The following APOL6 variants were observed in gnomAD, a reference collection of about 807,000 sequenced individuals.
APOL6 encodes apolipoprotein L6.
APOL6 carries 1 observed loss-of-function variant against 2.4 expected under a neutral mutation model. The observed-to-expected ratio is 0.41, with a 90% CI of 0.15 to 1.94. The LOEUF (loss-of-function observed/expected upper bound fraction) is 1.94. Among genes scored for constraint, APOL6 ranks in the 30% most tolerant of loss-of-function variants. The probability of loss-of-function intolerance (pLI) is 0.30; values close to 1 mark genes in which losing one functional copy is unlikely to be tolerated. For missense variants in APOL6, 438 were observed against 429.2 expected, an observed-to-expected ratio of 1.02 and a Z score of -0.18; for synonymous variants, 189 against 169.3, an observed-to-expected ratio of 1.12 and a Z score of -0.90.
At position 35,665,088 on chromosome 22, in the gene APOL6, A is replaced by G. The variant is rs921184238; in HGVS notation, c.*5492A>G. On this transcript the variant is annotated 3_prime_UTR_variant, in exon 3 of 3. Coordinates refer to ENST00000409652, the MANE Select transcript of APOL6 (RefSeq NM_030641.4). ...GTCATGAACATTGGTGTAAGTCATGATAAGATTTTATATATATATATACAC... is the reference window on the plus strand; with the variant it reads ...GTCATGAACATTGGTGTAAGTCATGGTAAGATTTTATATATATATATACAC... 6.6e-6 allele frequency: 1 copy of G among 150,922 alleles called. No individual in the cohort carries two copies. The highest frequency in any genetic ancestry group is 2.5e-5 in the African/African-American group (1 of 40,726). 9.3% of individuals were successfully genotyped at this position (150,922 alleles called of 1,614,324 possible).
intron 1 of APOL6, among the ~76,000 whole-genome samples, chr22:35,654,583 C>CATAT (rs200901385): frequency 2.6e-5 from 4 of 151,688 alleles, no homozygotes; most frequent in African/African-American, 9.7e-5. Context: ...CACATACACA[C>CATAT]ACATATATAT....
Position 35,659,530 on chromosome 22 carries a change from G to A in APOL6, c.966G>A (p.Glu322=). 2 of 1,614,138 alleles carry A rather than the reference G, an allele frequency of 1.2e-6. No homozygotes were observed. Among genetic ancestry groups the A allele is most frequent in the Non-Finnish European group, 1.7e-6 (2 of 1,180,018 alleles). Residue 322 remains glutamate, a synonymous_variant, in exon 3 of 3, where the codon GAG becomes GAA. Coordinates refer to ENST00000409652, the MANE Select transcript of APOL6 (RefSeq NM_030641.4). ...AGGCTTACTGGAAGGAGTTAAGGGA[G>A]CATGTGTGGATGTGGCTGTGGCTGT... is the stretch of plus-strand genomic sequence containing the variant. The part of the protein sequence containing the change: ...ETEAYWKELR[E]HVWMWLWLCV...
Position 35,659,397 on chromosome 22 carries a change from T to C in APOL6, c.833T>C (p.Leu278Pro), listed in dbSNP as rs901709638. ...GAGTTGAGAGCCAAGGCCTTGGAGC[T>C]GGAGAGGAAACTCACAGAACTCACC... ...AEELRAKALELERKLTELTQL... is the reference protein window; with the variant it reads ...AEELRAKALEPERKLTELTQL... The change falls in exon 3 of 3, where the codon CTG (leucine) becomes CCG (proline). Residue 278 changes from leucine (L) to proline (P), a missense_variant. By Grantham distance (98) the Leu-to-Pro change is moderately conservative. Transcript: ENST00000409652. The C allele has an allele frequency of 6.2e-7, 1 of 1,613,494 alleles. No individual in the cohort carries two copies. Among genetic ancestry groups the C allele is most frequent in the African/African-American group, 1.3e-5 (1 of 74,708 alleles).
At chr22:35,654,873 A>G (rs1018800399) in intron 1 of APOL6, among the ~76,000 whole-genome samples, 10 of 152,176 alleles carry the variant, frequency 6.6e-5, no homozygotes, top group Non-Finnish European at 1.5e-4. Flanking sequence ...CTATTTGCCT[A>G]AAAGCAAGAT....
intron 2 of APOL6, among the ~76,000 whole-genome samples, chr22:35,657,613 T>G (rs1342018621): frequency 6.6e-6 from 1 of 152,230 alleles, no homozygotes; most frequent in Non-Finnish European, 1.5e-5. Context: ...TTACCTTGCA[T>G]GTTCCTTTGG....
intron 1 of APOL6, among the ~76,000 whole-genome samples, chr22:35,649,869 G>A (rs1355607323): frequency 2.0e-5 from 3 of 152,140 alleles, no homozygotes; most frequent in African/African-American, 7.2e-5. Context: ...CCTCTGCATC[G>A]TAGGGTGCTT....
rs1462993898 is a variant in APOL6 at position 35,658,960 on chromosome 22, C to T, written c.396C>T (p.Arg132=). Residue 132 remains arginine, a synonymous_variant, in exon 3 of 3, where the codon CGC becomes CGT. Transcript: ENST00000409652. ...VTSIVSGTLE[R]SKNKEAQARA... is the part of the protein sequence containing the mutation. ...GCATCGTGAGTGGTACGTTGGAACG[C>T]TCCAAAAATAAAGAAGCCCAAGCAC... 3 of 1,613,764 alleles carry T rather than the reference C, an allele frequency of 1.9e-6. No homozygotes were observed. In the Admixed American group the frequency reaches 5.0e-5, roughly 27 times the overall value.
intron 1 of APOL6, among the ~76,000 whole-genome samples, chr22:35,653,254 C>T (rs1284756292): frequency 1.6e-4 from 24 of 152,102 alleles, no homozygotes; most frequent in East Asian, 9.7e-4. Context: ...TTTTGTATCC[C>T]GAGACTTTGC....
intron 1 of APOL6, among the ~76,000 whole-genome samples, chr22:35,650,439 T>C (rs1476471661): frequency 6.6e-6 from 1 of 152,250 alleles, no homozygotes; most frequent in East Asian, 1.9e-4. Flanking sequence ...ACATGGCTTC[T>C]ATGTATCGCC....
In APOL6 at chr22:35,666,495, G is replaced by A. The variant is rs1416290618; in HGVS notation, c.*6899G>A. 1 of 152,144 alleles carries A rather than the reference G, an allele frequency of 6.6e-6. No homozygotes were observed. The highest frequency in any genetic ancestry group is 2.1e-4 in the South Asian group (1 of 4,830). The allele number at this position is 152,144 out of a possible 1,614,324, so 9.4% of individuals were successfully genotyped here. On this transcript the variant is annotated 3_prime_UTR_variant, in exon 3 of 3. Coordinates refer to ENST00000409652, the MANE Select transcript of APOL6 (RefSeq NM_030641.4). ...TCACCATGTTGGCCAGGCTGGTCTT[G>A]AACTCCTGACCTCAGGTGATCAGCC...
chr22:35,664,402 T>TG lies in APOL6; in HGVS notation c.*4809dup, dbSNP rs1925113788. 6.6e-6 allele frequency: 1 copy of TG among 152,240 alleles called. No individual in the cohort carries two copies. The allele number at this position is 152,240 out of a possible 1,614,324, so 9.4% of individuals were successfully genotyped here. A position where few individuals can be genotyped will look rare whatever the true frequency, so the allele number is the denominator to read the frequency against. On this transcript the variant is annotated 3_prime_UTR_variant, in exon 3 of 3. Coordinates refer to ENST00000409652, the MANE Select transcript of APOL6 (RefSeq NM_030641.4). ...CCACAGACAATAAGGAGGTTTGTTT[T>TG]GGGAAAGGACTGTTATTGTCATTGT...
chr22:35,654,953 G>C (rs1307567670), intron 1 of APOL6, among the ~76,000 whole-genome samples: 1 of 152,102 alleles, frequency 6.6e-6, no homozygotes, highest in Non-Finnish European at 1.5e-5. Flanking sequence ...ACCCTTATAG[G>C]CCTGGAGATG....
In APOL6 at chr22:35,659,645, T is replaced by C. The variant is rs538575527; in HGVS notation, c.*49T>C. The C allele has an allele frequency of 2.6e-5, 40 of 1,511,192 alleles. No homozygotes were observed. The South Asian group carries it at 3.9e-4, about 15-fold the overall frequency. 93.6% of individuals were successfully genotyped at this position (1,511,192 alleles called of 1,614,324 possible). On this transcript the variant is annotated 3_prime_UTR_variant, in exon 3 of 3. Coordinates refer to ENST00000409652, the MANE Select transcript of APOL6 (RefSeq NM_030641.4). ...AATGGCCTTGGAGGTCCAAATAATA[T>C]CAAGTACATCTTGGAGATGAGGGTG... is the stretch of plus-strand genomic sequence containing the variant.
chr22:35,652,274 G>T, intron 1 of APOL6, among the ~76,000 whole-genome samples: 1 of 94 alleles, frequency 0.011, no homozygotes. Context: ...ATTTGTTTGA[G>T]TTCATGTAGA....
At chr22:35,657,885 C>T (rs1924888600) in intron 2 of APOL6, among the ~76,000 whole-genome samples, 1 of 152,222 alleles carries the variant, frequency 6.6e-6, no homozygotes, top group Admixed American at 6.5e-5. Context: ...GCAAAGATCC[C>T]TTCGTACTTC....
At chr22:35,654,059 CA>C (rs747363765) in intron 1 of APOL6, among the ~76,000 whole-genome samples, 17 of 152,134 alleles carry the variant, frequency 1.1e-4, no homozygotes, top group Non-Finnish European at 2.2e-4. Flanking sequence ...CAAGAATGGC[CA>C]GACGGAATTG....
At chr22:35,655,788 C>T (rs961229189) in intron 1 of APOL6, among the ~76,000 whole-genome samples, 1 of 151,874 alleles carries the variant, frequency 6.6e-6, no homozygotes, top group African/African-American at 2.4e-5. Flanking sequence ...TTCATATGGA[C>T]ATGGGAGAGA....
rs186232982 is a variant in APOL6, at chr22:35,660,341, A to T, written c.*745A>T. ...CTGAAGGAAGGCTATTTGCAGATGCAGCAAGAAGGCAGCCATCTGCAAGGC... is the reference window on the plus strand; with the variant it reads ...CTGAAGGAAGGCTATTTGCAGATGCTGCAAGAAGGCAGCCATCTGCAAGGC... On this transcript the variant is annotated 3_prime_UTR_variant, in exon 3 of 3. Coordinates refer to ENST00000409652, the MANE Select transcript of APOL6 (RefSeq NM_030641.4). 5.2e-5 allele frequency: 8 copies of T among 152,412 alleles called. No homozygotes were observed. Among genetic ancestry groups the T allele is most frequent in the Admixed American group, 5.2e-4 (8 of 15,306 alleles). 9.4% of individuals were successfully genotyped at this position (152,412 alleles called of 1,614,324 possible).
chr22:35,658,817 G>A lies in APOL6; in HGVS notation c.253G>A (p.Ala85Thr). 6.2e-7 allele frequency: 1 copy of A among 1,614,156 alleles called. No individual in the cohort carries two copies. Among genetic ancestry groups the A allele is most frequent in the Non-Finnish European group, 8.5e-7 (1 of 1,180,022 alleles). The change falls in exon 3 of 3, where the codon GCT becomes ACT. Residue 85 changes from alanine to threonine, a missense_variant. By Grantham distance (58) the Ala-to-Thr change is moderately conservative. Transcript: ENST00000409652. ...TKANMVATST[A>T]VISGVMSLLG... ...GGCTAACATGGTGGCCACCTCTACT[G>A]CTGTCATCTCTGGAGTGATGAGCCT...
Sources: allele counts gnomAD v4.1 joint callset (sites outside exome capture counted in the v4.1 genomes callset), GRCh38; gene constraint gnomAD v4.1.1; transcripts MANE v1.5; gene names NCBI Gene and HGNC (gene_info 2026-07-23, HGNC 2026-07-21).